Variants in DIP2C observed in about 807,000 individuals in gnomAD.
DIP2C encodes DIP2 acetate--CoA ligase C (putative).
Under a neutral mutation model 192.4 loss-of-function variants are expected in DIP2C, and 33 were observed. That is an observed-to-expected ratio of 0.17 (90% CI 0.13 to 0.23). DIP2C has a LOEUF of 0.23. DIP2C is among the 10% of genes least tolerant of loss of function. The pLI, the probability that DIP2C is intolerant of heterozygous loss-of-function variation, is 1.00. For synonymous variants in DIP2C, 979 were observed against 864.1 expected (o/e 1.13, Z -2.33); for missense variants, 1,537 against 2,110.1 (o/e 0.73, Z 5.32).
rs536442429 is a variant in DIP2C, at chr10:555,830, C to T, written c.86-69300G>A. ...CTCAAGCCACACGGCGTCCAGTCTC[C>T]GTTCCACCCCCACGGGAGGAACACC... On this transcript the variant is annotated intron_variant, in intron 1 of 36. Coordinates refer to ENST00000280886, the MANE Select transcript of DIP2C (RefSeq NM_014974.3). Among the ~76,000 whole-genome samples, 29 of 152,250 alleles carry T rather than the reference C, an allele frequency of 1.9e-4. 1 individual carries two copies. The South Asian group carries it at 4.1e-3, about 22-fold the overall frequency.
At chr10:430,029 C>G (rs12264465) in intron 4 of DIP2C, among the ~76,000 whole-genome samples, 24,595 of 152,062 alleles carry the variant, frequency 0.16, 4,959 homozygotes, top group African/African-American at 0.48. Flanking sequence ...ATTCCCGCAG[C>G]TCCACATCTT....
In DIP2C at chr10:688,298, C is replaced by T. The variant is rs536282118; in HGVS notation, c.85+1196G>A. On this transcript the variant is annotated intron_variant, in intron 1 of 36. Coordinates refer to ENST00000280886, the MANE Select transcript of DIP2C (RefSeq NM_014974.3). ...CACTGACACACCTCGCGGAACCCCA[C>T]ATCTGAAACTGAAAAACAGTACCAT... is the stretch of plus-strand genomic sequence containing the variant. Among the ~76,000 whole-genome samples the T allele has an allele frequency of 2.0e-5, 3 of 152,288 alleles. No individual in the cohort carries two copies. The South Asian group carries it at 6.2e-4, about 32-fold the overall frequency.
chr10:529,482 G>GT (rs1375234898), intron 1 of DIP2C, among the ~76,000 whole-genome samples: 2 of 151,116 alleles, frequency 1.3e-5, no homozygotes, highest in Admixed American at 6.6e-5. Context: ...ACAAAAGTTA[G>GT]TTCTCAAAAT....
intron 1 of DIP2C, among the ~76,000 whole-genome samples, chr10:552,196 A>C (rs895184508): frequency 9.9e-5 from 15 of 152,246 alleles, no homozygotes; most frequent in African/African-American, 3.1e-4. Flanking sequence ...TTTACTATCC[A>C]TACTTTCTAC....
At chr10:682,192 C>T (rs1354671020) in intron 1 of DIP2C, among the ~76,000 whole-genome samples, 1 of 152,234 alleles carries the variant, frequency 6.6e-6, no homozygotes, top group Non-Finnish European at 1.5e-5. Flanking sequence ...CTTCTTCCTG[C>T]AGCAACGCAC....
rs375070410 is a variant in DIP2C, at chr10:605,026, CTA to C, written c.85+84466_85+84467del. Among the ~76,000 whole-genome samples, 77 of 152,318 alleles carry C rather than the reference CTA, an allele frequency of 5.1e-4. 1 individual carries two copies. The highest frequency in any genetic ancestry group is 1.8e-3 in the African/African-American group (75 of 41,570). On this transcript the variant is annotated intron_variant, in intron 1 of 36. Transcript: ENST00000280886. ...CAGACACATCAAAAGCTTCAGAAGA[CTA>C]TAAAGCACCAAGGAGACCACTGCAA...
chr10:568,282 G>C (rs1280041676), intron 1 of DIP2C, among the ~76,000 whole-genome samples: 1 of 152,228 alleles, frequency 6.6e-6, no homozygotes. Flanking sequence ...AGGACCTGCA[G>C]TGCTTTCTCC....
chr10:504,101 G>A lies in DIP2C; in HGVS notation c.86-17571C>T, dbSNP rs568702332. 3.1e-4 allele frequency among the ~76,000 whole-genome samples: 47 copies of A among 152,260 alleles called. No homozygotes were observed. The South Asian group carries it at 9.2e-3, about 30-fold the overall frequency. On this transcript the variant is annotated intron_variant, in intron 1 of 36. Transcript: ENST00000280886. ...TCTTCATCTCACGACACACACAGGT[G>A]GTAACTGCAGCCTTCAACCTAACTG...
At position 363,171 on chromosome 10, in the gene DIP2C, C is replaced by A; in HGVS notation, c.2592+26G>T. ...AGGCCAGAAACAAGACACAGGGGAC[C>A]AGTGCCCAGGGCGAGGGAGGGCAAC... On this transcript the variant is annotated intron_variant, in intron 21 of 36. Coordinates refer to ENST00000280886, the MANE Select transcript of DIP2C (RefSeq NM_014974.3). The surrounding 1 kb of genome is among the most constrained non-coding windows in gnomAD (Gnocchi z 5.4). The A allele has an allele frequency of 1.3e-6, 2 of 1,590,436 alleles. No individual in the cohort carries two copies. Among genetic ancestry groups the A allele is most frequent in the Non-Finnish European group, 1.7e-6 (2 of 1,160,216 alleles).
At position 644,773 on chromosome 10, in the gene DIP2C, G is replaced by C. The variant is rs528978973; in HGVS notation, c.85+44721C>G. Among the ~76,000 whole-genome samples the C allele has an allele frequency of 9.2e-5, 14 of 152,374 alleles. No individual in the cohort carries two copies. The South Asian group carries it at 2.7e-3, about 29-fold the overall frequency. ...AGGTCCAGCTGAAACAGCATCTAGG[G>C]GGCAACCCTGCCCCTACTTCTCAAA... On this transcript the variant is annotated intron_variant, in intron 1 of 36. Transcript: ENST00000280886.
chr10:431,536 C>T (rs774761253), intron 4 of DIP2C, among the ~76,000 whole-genome samples: 11 of 152,184 alleles, frequency 7.2e-5, no homozygotes, highest in Non-Finnish European at 1.3e-4. Flanking sequence ...TTCTGCCTGC[C>T]TTGGCCTCCC....
chr10:401,293 C>T (rs1964419464), intron 9 of DIP2C, among the ~76,000 whole-genome samples: 1 of 151,316 alleles, frequency 6.6e-6, no homozygotes, highest in South Asian at 2.1e-4. Context: ...CATTACTCTT[C>T]CTTACGGACA....
At chr10:489,710 C>T (rs1263783881) in intron 1 of DIP2C, among the ~76,000 whole-genome samples, 4 of 138,172 alleles carry the variant, frequency 2.9e-5, no homozygotes, top group African/African-American at 8.3e-5. Flanking sequence ...GTGGCTCTGA[C>T]GGTGCCCGGG....
Position 666,496 on chromosome 10 carries a change from C to T in DIP2C, c.85+22998G>A, listed in dbSNP as rs1857099890. 2 of 152,386 alleles carry T rather than the reference C, an allele frequency of 1.3e-5. No individual in the cohort carries two copies. The highest frequency in any genetic ancestry group is 1.9e-4 in the East Asian group (1 of 5,180). 9.4% of individuals were successfully genotyped at this position (152,386 alleles called of 1,614,324 possible). ...AAGACTGAGATCCTGTGGCCTGAGT[C>T]GGGGCCGGGGAAACCAAGCCTGCAG... On this transcript the variant is annotated intron_variant, in intron 1 of 36. Transcript: ENST00000280886. The surrounding 1 kb of genome is among the most constrained non-coding windows in gnomAD (Gnocchi z 4.1).
intron 1 of DIP2C, among the ~76,000 whole-genome samples, chr10:555,964 C>T (rs2130967297): frequency 6.6e-6 from 1 of 152,230 alleles, no homozygotes; most frequent in African/African-American, 2.4e-5. Context: ...CAAGCCTTTG[C>T]TCCTGACCCT....
At position 512,944 on chromosome 10, in the gene DIP2C, A is replaced by AG. The variant is rs1554887231; in HGVS notation, c.86-26415dup. The stretch of plus-strand genomic sequence containing the variant: ...CAGGAAAAAAAAAAAAAAAAAAAAA[A>AG]GGGAGCTAATGTTTTTCATTTAAGG... On this transcript the variant is annotated intron_variant, in intron 1 of 36. Transcript: ENST00000280886. 3.8e-3 allele frequency among the ~76,000 whole-genome samples: 566 copies of AG among 148,884 alleles called. 4 individuals carry two copies. Among genetic ancestry groups the AG allele is most frequent in the Non-Finnish European group, 6.1e-3 (407 of 67,226 alleles).
chr10:568,368 TCAA>T (rs1228368822), intron 1 of DIP2C, among the ~76,000 whole-genome samples: 3 of 152,096 alleles, frequency 2.0e-5, no homozygotes, highest in South Asian at 2.1e-4. Context: ...GAGACGCTGT[TCAA>T]CAAGTTTCAT....
chr10:292,058 T>C (rs1408807837), intron 32 of DIP2C, among the ~76,000 whole-genome samples: 5 of 152,246 alleles, frequency 3.3e-5, no homozygotes, highest in African/African-American at 1.2e-4. Context: ...GTGCCGAGGC[T>C]GGCGTCCAGC....
chr10:426,754 G>A (rs1438331205), intron 4 of DIP2C, among the ~76,000 whole-genome samples: 1 of 152,268 alleles, frequency 6.6e-6, no homozygotes, highest in South Asian at 2.1e-4. Flanking sequence ...TAAGAGAAAG[G>A]TAGTATTTTT....
Sources: allele counts gnomAD v4.1 joint callset (sites outside exome capture counted in the v4.1 genomes callset), GRCh38; gene constraint gnomAD v4.1.1; non-coding constraint Gnocchi (gnomAD v3.1); transcripts MANE v1.5; gene names NCBI Gene and HGNC (gene_info 2026-07-23, HGNC 2026-07-21).